The following ALG11 variants were observed in gnomAD, a reference collection of about 807,000 sequenced individuals.
The protein encoded by ALG11 is ALG11 alpha-1,2-mannosyltransferase.
ALG11 carries 26 observed loss-of-function variants against 38.8 expected under a neutral mutation model. That is an observed-to-expected ratio of 0.67 (90% CI 0.49 to 0.93). ALG11 has a LOEUF of 0.93. ALG11 is among the 40% of genes least tolerant of loss of function. ALG11 has a pLI of 0.00. For synonymous variants in ALG11, 199 were observed against 211.6 expected (o/e 0.94, Z 0.52); for missense variants, 535 against 578.8 (o/e 0.92, Z 0.78).
rs192828240 is a variant in ALG11 at position 52,026,774 on chromosome 13, C to T, written c.1208-1545C>T. ...CATCTGTGGGACATGTGAGGGCATG[C>T]GTCCAGGAGGTAGTTTTGTATATAG... On this transcript the variant is annotated intron_variant, in intron 3 of 3. Coordinates refer to ENST00000521508, the MANE Select transcript of ALG11 (RefSeq NM_001004127.3). Among the ~76,000 whole-genome samples, 19 of 152,166 alleles carry T rather than the reference C, an allele frequency of 1.2e-4. 1 individual carries two copies. The East Asian group carries it at 3.5e-3, about 28-fold the overall frequency.
chr13:52,028,259 CATTCTT>C, intron 3 of ALG11, 54 bp from the exon 4 acceptor site: 1 of 1,600,394 alleles, frequency 6.2e-7, no homozygotes, highest in South Asian at 1.1e-5. Context: ...TATTCATCCT[CATTCTT>C]ATGAACACAC....
At chr13:52,013,924 C>T (rs979367622) in intron 1 of ALG11, among the ~76,000 whole-genome samples, 3 of 152,052 alleles carry the variant, frequency 2.0e-5, no homozygotes, top group Non-Finnish European at 2.9e-5. Context: ...AAAGTGATAG[C>T]GGATAAAACT....
rs1299815390 is a variant in ALG11, at chr13:52,024,832, G to A, written c.1102G>A (p.Glu368Lys). The A allele has an allele frequency of 6.2e-7, 1 of 1,613,966 alleles. No individual in the cohort carries two copies. Among genetic ancestry groups the A allele is most frequent in the Admixed American group, 1.7e-5 (1 of 60,022 alleles). ...RRLSEDLGVQEYVEFKINIPF... is the reference protein window; with the variant it reads ...RRLSEDLGVQKYVEFKINIPF... ...GCTGTCTGAGGATTTAGGAGTTCAAGAATATGTGGAATTTAAAATAAACAT... is the reference window on the plus strand; with the variant it reads ...GCTGTCTGAGGATTTAGGAGTTCAAAAATATGTGGAATTTAAAATAAACAT... Residue 368 changes from glutamate to lysine, a missense_variant, in exon 3 of 4, where the codon GAA becomes AAA. Transcript: ENST00000521508.
At position 52,024,365 on chromosome 13, in the gene ALG11, AT is replaced by A; in HGVS notation, c.636del (p.Gln213LysfsTer20). 6.2e-7 allele frequency: 1 copy of A among 1,614,132 alleles called. No homozygotes were observed. The highest frequency in any genetic ancestry group is 8.5e-7 in the Non-Finnish European group (1 of 1,179,968). ...ACCGACATGCTCTCTGTAGTGAAGA[AT>A]CAAAATATTGGATTTAATAATGCAG... ...ISTDMLSVVK[N>X]QNIGFNNAAF... On this transcript the variant is annotated frameshift_variant, in exon 3 of 4. Coordinates refer to ENST00000521508, the MANE Select transcript of ALG11 (RefSeq NM_001004127.3). LOFTEE classifies it high-confidence loss of function.
chr13:52,024,391 G>A lies in ALG11; in HGVS notation c.661G>A (p.Ala221Thr). 2 of 1,613,612 alleles carry A rather than the reference G, an allele frequency of 1.2e-6. No individual in the cohort carries two copies. Among genetic ancestry groups the A allele is most frequent in the African/African-American group, 1.3e-5 (1 of 74,998 alleles). Residue 221 changes from alanine (A) to threonine (T), a missense_variant, in exon 3 of 4, where the codon GCC becomes ACC. Physicochemically the swap from Ala to Thr is moderately conservative, Grantham distance 58 (BLOSUM62 0). Transcript: ENST00000521508. ...TCAAAATATTGGATTTAATAATGCA[G>A]CCTTCATTACCAGGAATCCTTTTCT... ...KNQNIGFNNA[A>T]FITRNPFLSK...
At chr13:52,021,050 T>C (rs1954179748) in intron 2 of ALG11, 1 of 152,194 alleles carries the variant, frequency 6.6e-6, no homozygotes, top group African/African-American at 2.4e-5. Context: ...TTGATTTTAG[T>C]TGAGAGAGAC....
At chr13:52,023,851 G>T in intron 2 of ALG11, 155 bp from the exon 3 acceptor site, 1 of 535,114 alleles carries the variant, frequency 1.9e-6, no homozygotes, top group Non-Finnish European at 3.3e-6. Flanking sequence ...CTGGAGTTCG[G>T]TGGCATGATC....
chr13:52,012,870 T>C (rs1253402152), intron 1 of ALG11, among the ~76,000 whole-genome samples: 1 of 152,236 alleles, frequency 6.6e-6, no homozygotes, highest in Non-Finnish European at 1.5e-5. Flanking sequence ...CTTCTCATCT[T>C]AGTTTCTACT....
rs760414709 is a variant in ALG11, at chr13:52,030,146, G to T, written c.*1556G>T. The T allele has an allele frequency of 1.9e-6, 3 of 1,614,210 alleles. No homozygotes were observed. The South Asian group carries it at 3.3e-5, about 18-fold the overall frequency. ...GCCAGCAAGCAGTCAAGAAACAAAAGATTCTAGCAGCCAGGAGGTGCTGTC... is the reference window on the plus strand; with the variant it reads ...GCCAGCAAGCAGTCAAGAAACAAAATATTCTAGCAGCCAGGAGGTGCTGTC... On this transcript the variant is annotated 3_prime_UTR_variant, in exon 4 of 4. Transcript: ENST00000521508.
chr13:52,018,921 AT>A lies in ALG11; in HGVS notation c.55del (p.Ser19HisfsTer34). On this transcript the variant is annotated frameshift_variant, in exon 2 of 4. Transcript: ENST00000521508. LOFTEE classifies it high-confidence loss of function. Reference protein sequence around the residue: ...WCLCKLLRFFYSLFFPGLIVC... With the variant: ...WCLCKLLRFFXSLFFPGLIVC... Reference sequence around the variant, plus strand: ...TTGTCCTCTTATTTCAGGTTTTTTTATTCATTATTCTTCCCTGGGCTCATTG... The same window carrying A: ...TTGTCCTCTTATTTCAGGTTTTTTTATCATTATTCTTCCCTGGGCTCATTG... 6.2e-7 allele frequency: 1 copy of A among 1,613,690 alleles called. No individual in the cohort carries two copies. Among genetic ancestry groups the A allele is most frequent in the Non-Finnish European group, 8.5e-7 (1 of 1,179,832 alleles).
In ALG11 at chr13:52,012,436, G is replaced by T. The variant is rs1393492365; in HGVS notation, c.18G>T (p.Arg6Ser). 2.5e-6 allele frequency: 4 copies of T among 1,614,098 alleles called. No homozygotes were observed. The highest frequency in any genetic ancestry group is 3.4e-6 in the Non-Finnish European group (4 of 1,180,046). The stretch of plus-strand genomic sequence containing the variant: ...GGCGGAAGATGGCGGCCGGCGAAAG[G>T]AGCTGGTGCCTGTGCAAGTTGTTGA... MAAGE[R>S]SWCLCKLLRF... The change falls in exon 1 of 4, where the codon AGG (arginine) becomes AGT (serine). Residue 6 changes from arginine (R) to serine (S), a missense_variant. By Grantham distance (110) the Arg-to-Ser change is moderately radical (BLOSUM62 -1). Transcript: ENST00000521508.
chr13:52,012,418 G>A lies in ALG11; in HGVS notation c.-1G>A, dbSNP rs1954074553. ...TTCCTGAGTTCGGGGGTCGGCGGAA[G>A]ATGGCGGCCGGCGAAAGGAGCTGGT... On this transcript the variant is annotated 5_prime_UTR_variant, in exon 1 of 4. Coordinates refer to ENST00000521508, the MANE Select transcript of ALG11 (RefSeq NM_001004127.3). 2 of 1,614,164 alleles carry A rather than the reference G, an allele frequency of 1.2e-6. No individual in the cohort carries two copies. Among genetic ancestry groups the A allele is most frequent in the Non-Finnish European group, 1.7e-6 (2 of 1,180,036 alleles).
rs1253964976 is a variant in ALG11 at position 52,029,309 on chromosome 13, C to G, written c.*719C>G. 6.2e-7 allele frequency: 1 copy of G among 1,614,040 alleles called. No homozygotes were observed. On this transcript the variant is annotated 3_prime_UTR_variant, in exon 4 of 4. Coordinates refer to ENST00000521508, the MANE Select transcript of ALG11 (RefSeq NM_001004127.3). ...GGGGAAGGAGCAGCCAGCCATTGCT[C>G]CCATTGAACATGCGCTCAGTGGCTG... is the stretch of plus-strand genomic sequence containing the variant.
At position 52,030,335 on chromosome 13, in the gene ALG11, G is replaced by A; in HGVS notation, c.*1745G>A. 1 of 1,614,198 alleles carries A rather than the reference G, an allele frequency of 6.2e-7. No individual in the cohort carries two copies. The highest frequency in any genetic ancestry group is 1.1e-5 in the South Asian group (1 of 91,078). On this transcript the variant is annotated 3_prime_UTR_variant, in exon 4 of 4. Transcript: ENST00000521508. Reference sequence around the variant, plus strand: ...GTCAGAGAGAGTACAAACTCTGGAAGAGCTAGAAGAGCTGGGAAAAGAAGA... The same window carrying A: ...GTCAGAGAGAGTACAAACTCTGGAAAAGCTAGAAGAGCTGGGAAAAGAAGA...
Position 52,030,545 on chromosome 13 carries a change from G to A in ALG11, c.*1955G>A. The A allele has an allele frequency of 6.2e-7, 1 of 1,614,148 alleles. No homozygotes were observed. The highest frequency in any genetic ancestry group is 8.5e-7 in the Non-Finnish European group (1 of 1,180,024). ...TTTGGCAGTTCCCACAATAATAGAGGAGCTGGAAGATGAAGAGGAGAGAGA... is the reference window on the plus strand; with the variant it reads ...TTTGGCAGTTCCCACAATAATAGAGAAGCTGGAAGATGAAGAGGAGAGAGA... On this transcript the variant is annotated 3_prime_UTR_variant, in exon 4 of 4. Coordinates refer to ENST00000521508, the MANE Select transcript of ALG11 (RefSeq NM_001004127.3).
chr13:52,029,967 A>G lies in ALG11; in HGVS notation c.*1377A>G, dbSNP rs761946323. On this transcript the variant is annotated 3_prime_UTR_variant, in exon 4 of 4. Transcript: ENST00000521508. ...AGTGACACCAAAGAGGCTGCAACAC[A>G]GGAGGACCCTGAGCAAGTGCCAGAG... The G allele has an allele frequency of 3.1e-6, 5 of 1,614,258 alleles. No homozygotes were observed. Among genetic ancestry groups the G allele is most frequent in the Non-Finnish European group, 4.2e-6 (5 of 1,180,044 alleles).
intron 1 of ALG11, chr13:52,016,557 G>C (rs181494348): frequency 1.5e-3 from 228 of 152,394 alleles, no homozygotes; most frequent in African/African-American, 4.7e-3. Context: ...TGTCCCAGCT[G>C]CTCCAGCCGT....
intron 1 of ALG11, among the ~76,000 whole-genome samples, chr13:52,013,600 T>C (rs1274062812): frequency 6.6e-6 from 1 of 152,238 alleles, no homozygotes; most frequent in East Asian, 1.9e-4. Flanking sequence ...ACCTAAATTA[T>C]TTGAAGGAAT....
rs1374747434 is a variant in ALG11, at chr13:52,033,355, GTAA to G, written c.*4770_*4772del. The G allele has an allele frequency of 6.0e-6, 1 of 166,988 alleles. No homozygotes were observed. Among genetic ancestry groups the G allele is most frequent in the Non-Finnish European group, 1.5e-5 (1 of 68,110 alleles). 10.3% of individuals were successfully genotyped at this position (166,988 alleles called of 1,614,324 possible). On this transcript the variant is annotated 3_prime_UTR_variant, in exon 4 of 4. Transcript: ENST00000521508. The stretch of plus-strand genomic sequence containing the variant: ...AAAGTGTGTGTTACATAGGTTTTGT[GTAA>G]TAATTATTTGTAAATATTATTTAGA...
Sources: gnomAD v4.1 joint callset for allele counts (sites outside exome capture counted in the v4.1 genomes callset) on GRCh38, gnomAD v4.1.1 for gene constraint, MANE v1.5 for transcripts, NCBI Gene and HGNC (gene_info 2026-07-23, HGNC 2026-07-21) for gene names.